TENT4B: variants seen among roughly 807,000 people sequenced by gnomAD.
TENT4B encodes PAP associated domain containing 5.
A neutral mutation model predicts 75.0 loss-of-function variants in TENT4B; 10 were observed. That is an observed-to-expected ratio of 0.13 (90% confidence interval 0.08 to 0.23). TENT4B has a LOEUF of 0.23. TENT4B is among the 10% of genes least tolerant of loss of function. The pLI is 1.00. For missense variants in TENT4B, 579 were observed against 893.8 expected, an observed-to-expected ratio of 0.65 and a Z score of 4.49; for synonymous variants, 350 against 357.7, an observed-to-expected ratio of 0.98 and a Z score of 0.24.
chr16:50,178,659 A>G (rs987801000), intron 1 of TENT4B, among the ~76,000 whole-genome samples: 3 of 152,220 alleles, frequency 2.0e-5, no homozygotes, highest in African/African-American at 7.2e-5. Context: ...TGTAACATGG[A>G]TGAACGTTCA....
At chr16:50,212,824 A>G (rs1401238269) in intron 2 of TENT4B, among the ~76,000 whole-genome samples, 2 of 152,186 alleles carry the variant, frequency 1.3e-5, no homozygotes, top group African/African-American at 2.4e-5. Context: ...CAGCCATTCT[A>G]TGATGAACAG....
intron 1 of TENT4B, among the ~76,000 whole-genome samples, chr16:50,154,590 C>T (rs988198124): frequency 1.3e-5 from 2 of 151,788 alleles, no homozygotes; most frequent in East Asian, 1.9e-4. Context: ...CACATCTACC[C>T]TTGACCACCA....
At chr16:50,192,967 G>A (rs536744218) in intron 1 of TENT4B, among the ~76,000 whole-genome samples, 37 of 152,246 alleles carry the variant, frequency 2.4e-4, no homozygotes, top group African/African-American at 8.7e-4. Context: ...CCAGCTACTT[G>A]GGAGGCTGAG....
rs115511688 is a variant in TENT4B at position 50,184,709 on chromosome 16, G to A, written c.639-26614G>A. On this transcript the variant is annotated intron_variant, in intron 1 of 11. Coordinates refer to ENST00000561678, the MANE Select transcript of TENT4B (RefSeq NM_001365324.3). Reference sequence around the variant, plus strand: ...AGAATAATGCTGCCATCATGCTTGAGGGTTTTTTTTTATTTTGTTTTGTTT... The same window carrying A: ...AGAATAATGCTGCCATCATGCTTGAAGGTTTTTTTTTATTTTGTTTTGTTT... 6.1e-3 allele frequency among the ~76,000 whole-genome samples: 927 copies of A among 151,884 alleles called. 10 individuals are homozygous for A. The highest frequency in any genetic ancestry group is 0.021 in the African/African-American group (891 of 41,496).
chr16:50,217,747 T>A, intron 5 of TENT4B, 84 bp downstream of exon 5: 1 of 736,802 alleles, frequency 1.4e-6, no homozygotes, highest in Non-Finnish European at 2.2e-6. Flanking sequence ...AATATTTTTA[T>A]ATGCATGTTG....
At chr16:50,185,752 A>C (rs2038513893) in intron 1 of TENT4B, among the ~76,000 whole-genome samples, 1 of 151,722 alleles carries the variant, frequency 6.6e-6, no homozygotes, top group African/African-American at 2.4e-5. Context: ...TTTCTTAAGG[A>C]ATGCAACTAC....
At chr16:50,205,330 C>G (rs1179131869) in intron 1 of TENT4B, among the ~76,000 whole-genome samples, 2 of 151,976 alleles carry the variant, frequency 1.3e-5, no homozygotes, top group African/African-American at 4.8e-5. Context: ...ACAATAATCT[C>G]TGTTTCAAAA....
intron 1 of TENT4B, among the ~76,000 whole-genome samples, chr16:50,176,505 T>C (rs2038313571): frequency 8.2e-6 from 1 of 121,246 alleles, no homozygotes; most frequent in African/African-American, 3.2e-5. Context: ...TTTTTTTTTT[T>C]TTTTTTTTTT....
chr16:50,227,797 A>T (rs776243614), intron 10 of TENT4B, 42 bp from the exon 11 acceptor site: 4 of 1,596,872 alleles, frequency 2.5e-6, no homozygotes, highest in Non-Finnish European at 3.4e-6. Flanking sequence ...GAGTATCTAA[A>T]TTACTAATAT....
intron 1 of TENT4B, among the ~76,000 whole-genome samples, chr16:50,166,917 A>G (rs1002194946): frequency 4.0e-5 from 6 of 151,620 alleles, no homozygotes; most frequent in Non-Finnish European, 8.8e-5. Context: ...GGCATGAGCC[A>G]CTGTGCCTGG....
intron 1 of TENT4B, among the ~76,000 whole-genome samples, chr16:50,161,359 A>G (rs1268441944): frequency 6.6e-6 from 1 of 152,194 alleles, no homozygotes; most frequent in African/African-American, 2.4e-5. Context: ...TATGTTGTGT[A>G]CTGGTTCCCT....
intron 5 of TENT4B, among the ~76,000 whole-genome samples, chr16:50,221,726 A>G (rs1479948402): frequency 6.6e-6 from 1 of 151,418 alleles, no homozygotes; most frequent in African/African-American, 2.4e-5. Context: ...AATGAGCATC[A>G]TCAGTTACAT....
At chr16:50,219,659 T>A (rs1268320429) in intron 5 of TENT4B, among the ~76,000 whole-genome samples, 2 of 152,076 alleles carry the variant, frequency 1.3e-5, no homozygotes, top group Admixed American at 6.6e-5. Context: ...TTTCATATTC[T>A]CATTTTCTCT....
At position 50,234,201 on chromosome 16, in the gene TENT4B, C is replaced by A. The variant is rs562513815; in HGVS notation, c.*4873C>A. On this transcript the variant is annotated 3_prime_UTR_variant, in exon 12 of 12. Coordinates refer to ENST00000561678, the MANE Select transcript of TENT4B (RefSeq NM_001365324.3). ...GGGCATGGTGGCTCACGCCTGTAAT[C>A]CCAGCACTTTGGGAGGCCGAAGCGG... The A allele has an allele frequency of 5.1e-6, 5 of 985,604 alleles. No homozygotes were observed. The Admixed American group carries it at 3.1e-4, about 61-fold the overall frequency. The allele number at this position is 985,604 out of a possible 1,614,324, so 61.1% of individuals were successfully genotyped here.
At position 50,153,899 on chromosome 16, in the gene TENT4B, G is replaced by A. The variant is rs2037831133; in HGVS notation, c.278G>A (p.Ser93Asn). 1 of 1,524,790 alleles carries A rather than the reference G, an allele frequency of 6.6e-7. No individual in the cohort carries two copies. The highest frequency in any genetic ancestry group is 8.8e-7 in the Non-Finnish European group (1 of 1,142,836). The allele number at this position is 1,524,790 out of a possible 1,614,324, so 94.5% of individuals were successfully genotyped here. A position where few individuals can be genotyped will look rare whatever the true frequency, so the allele number is the denominator to read the frequency against. Residue 93 changes from serine (S) to asparagine (N), a missense_variant, in exon 1 of 12, where the codon AGC (serine) becomes AAC (asparagine). Ser to Asn is a conservative substitution (Grantham distance 46). Transcript: ENST00000561678. Reference protein sequence around the residue: ...MYRSGERLLGSHALPAEQRDF... With the variant: ...MYRSGERLLGNHALPAEQRDF... ...CGCTCCGGGGAGCGCCTGCTGGGCA[G>A]CCACGCGCTGCCCGCGGAGCAGCGG... is the stretch of plus-strand genomic sequence containing the variant.
intron 1 of TENT4B, among the ~76,000 whole-genome samples, chr16:50,176,664 G>A (rs934403871): frequency 8.6e-5 from 13 of 151,224 alleles, no homozygotes; most frequent in African/African-American, 2.9e-4. Flanking sequence ...GCACCACCAC[G>A]CCCAGATAAT....
intron 1 of TENT4B, among the ~76,000 whole-genome samples, chr16:50,187,919 A>G (rs1436458823): frequency 6.6e-6 from 1 of 152,044 alleles, no homozygotes; most frequent in African/African-American, 2.4e-5. Context: ...TTAAACTTGT[A>G]TGCATTCTTT....
chr16:50,206,860 T>A (rs1272344518), intron 1 of TENT4B, among the ~76,000 whole-genome samples: 1 of 151,750 alleles, frequency 6.6e-6, no homozygotes, highest in African/African-American at 2.4e-5. Flanking sequence ...ATAATTTTGA[T>A]AGGCTGGATT....
intron 1 of TENT4B, among the ~76,000 whole-genome samples, chr16:50,201,396 G>A (rs1358954526): frequency 6.6e-6 from 1 of 151,352 alleles, no homozygotes; most frequent in East Asian, 2.0e-4. Flanking sequence ...AATTAGCTGG[G>A]CGTGGTGGCG....
Sources: allele counts gnomAD v4.1 joint callset (sites outside exome capture counted in the v4.1 genomes callset), GRCh38; gene constraint gnomAD v4.1.1; transcripts MANE v1.5; gene names NCBI Gene and HGNC (gene_info 2026-07-23, HGNC 2026-07-21).